YWHAH: variants seen among roughly 807,000 people sequenced by gnomAD.
YWHAH encodes the protein 14-3-3 protein eta.
In YWHAH, 6 loss-of-function variants were observed where a neutral mutation model predicts 22.9. The observed-to-expected ratio is 0.26, with a 90% CI of 0.14 to 0.52. YWHAH has a LOEUF of 0.52. YWHAH is among the 20% of genes least tolerant of loss of function. The pLI is 0.97. For missense variants in YWHAH, 173 were observed against 308.6 expected (o/e 0.56, Z 3.29); for synonymous variants, 135 against 124.5 (o/e 1.08, Z -0.56).
At chr22:31,945,230 C>G in intron 1 of YWHAH, 1 of 1,131,780 alleles carries the variant, frequency 8.8e-7, no homozygotes, top group Non-Finnish European at 1.1e-6. Context: ...AATAAAGAAT[C>G]ACCTAGTAAG....
chr22:31,956,890 C>A lies in YWHAH; in HGVS notation c.*98C>A. 1 of 1,391,270 alleles carries A rather than the reference C, an allele frequency of 7.2e-7. No homozygotes were observed. Among genetic ancestry groups the A allele is most frequent in the Non-Finnish European group, 9.5e-7 (1 of 1,049,394 alleles). The allele number at this position is 1,391,270 out of a possible 1,614,324, so 86.2% of individuals were successfully genotyped here. On this transcript the variant is annotated 3_prime_UTR_variant, in exon 2 of 2. Coordinates refer to ENST00000248975, the MANE Select transcript of YWHAH (RefSeq NM_003405.4). This position sits in a 1 kb window ranked among gnomAD's most constrained non-coding sequence, Gnocchi z 5.1. ...ACTAAATATCTAGTGCTAAACCTAT[C>A]TGTATTGGCAGCACAGCTACTCAGA...
At position 31,946,424 on chromosome 22, in the gene YWHAH, C is replaced by T. The variant is rs141972153; in HGVS notation, c.87+1604C>T. Among the ~76,000 whole-genome samples, 599 of 152,312 alleles carry T rather than the reference C, an allele frequency of 3.9e-3. 3 individuals are homozygous for T. The highest frequency in any genetic ancestry group is 0.013 in the African/African-American group (534 of 41,568). On this transcript the variant is annotated intron_variant, in intron 1 of 1. Coordinates refer to ENST00000248975, the MANE Select transcript of YWHAH (RefSeq NM_003405.4). ...CTGCCTCTGTCCACAGCAGGTCACA[C>T]TTAAGCCCCTCCTCCCCAGTAACTG...
intron 1 of YWHAH, among the ~76,000 whole-genome samples, chr22:31,955,379 C>G (rs552188526): frequency 1.3e-4 from 19 of 151,814 alleles, no homozygotes; most frequent in Admixed American, 1.1e-3. Flanking sequence ...TGGAACACTT[C>G]CAGTCTGTTG....
chr22:31,944,783 C>T lies in YWHAH; in HGVS notation c.50C>T (p.Ala17Val). ...CAGCGGGCGCGGCTGGCCGAGCAGGCGGAGCGCTACGACGACATGGCCTCC... is the reference window on the plus strand; with the variant it reads ...CAGCGGGCGCGGCTGGCCGAGCAGGTGGAGCGCTACGACGACATGGCCTCC... ...LLQRARLAEQ[A>V]ERYDDMASAM... The change falls in exon 1 of 2, where the codon GCG (alanine) becomes GTG (valine). Residue 17 changes from alanine (A) to valine (V), a missense_variant. By Grantham distance (64) the Ala-to-Val change is moderately conservative (BLOSUM62 0). Transcript: ENST00000248975. 7.0e-7 allele frequency: 1 copy of T among 1,419,758 alleles called. No homozygotes were observed. Among genetic ancestry groups the T allele is most frequent in the Non-Finnish European group, 9.3e-7 (1 of 1,080,916 alleles). The allele number at this position is 1,419,758 out of a possible 1,614,324, so 87.9% of individuals were successfully genotyped here.
rs576665997 is a variant in YWHAH, at chr22:31,951,231, A to C, written c.88-4908A>C. Among the ~76,000 whole-genome samples, 37 of 151,874 alleles carry C rather than the reference A, an allele frequency of 2.4e-4. No individual in the cohort carries two copies. The East Asian group carries it at 6.2e-3, about 25-fold the overall frequency. On this transcript the variant is annotated intron_variant, in intron 1 of 1. Transcript: ENST00000248975. ...AAACTGACTTTTCTCACACAGACACACACACATACACGTACACACACACTT... is the reference window on the plus strand; with the variant it reads ...AAACTGACTTTTCTCACACAGACACCCACACATACACGTACACACACACTT...
chr22:31,949,136 CTTTTTTTTTTT>C (rs760273556), intron 1 of YWHAH, among the ~76,000 whole-genome samples: 22 of 99,082 alleles, frequency 2.2e-4, no homozygotes, highest in Non-Finnish European at 3.5e-4. Context: ...ACATATTTTA[CTTTTTTTTTTT>C]TTTTTTTTTT....
intron 1 of YWHAH, among the ~76,000 whole-genome samples, chr22:31,955,386 G>A (rs565534236): frequency 6.6e-6 from 1 of 151,038 alleles, no homozygotes; most frequent in South Asian, 2.1e-4. Flanking sequence ...CTTCCAGTCT[G>A]TTGTCTTTGA....
chr22:31,955,214 G>A (rs1603054938), intron 1 of YWHAH, among the ~76,000 whole-genome samples: 2 of 152,258 alleles, frequency 1.3e-5, no homozygotes, highest in African/African-American at 4.8e-5. Flanking sequence ...AGGGCTGGGA[G>A]TATCAGTTAG....
Position 31,956,240 on chromosome 22 carries a change from T to C in YWHAH, c.189T>C (p.Ile63=), listed in dbSNP as rs1343066265. Residue 63 remains isoleucine, a synonymous_variant, in exon 2 of 2, where the codon ATT becomes ATC. Coordinates refer to ENST00000248975, the MANE Select transcript of YWHAH (RefSeq NM_003405.4). The surrounding 1 kb of genome is among the most constrained non-coding windows in gnomAD (Gnocchi z 5.1). ...VGARRSSWRV[I]SSIEQKTMAD... ...CCAGGCGATCTTCCTGGAGGGTCAT[T>C]AGCAGCATTGAGCAGAAAACCATGG... 6.2e-7 allele frequency: 1 copy of C among 1,614,106 alleles called. No homozygotes were observed. Among genetic ancestry groups the C allele is most frequent in the South Asian group, 1.1e-5 (1 of 91,070 alleles).
chr22:31,951,934 G>A (rs1159073823), intron 1 of YWHAH, among the ~76,000 whole-genome samples: 2 of 152,138 alleles, frequency 1.3e-5, no homozygotes, highest in East Asian at 3.9e-4. Context: ...ACAGAGGGTG[G>A]GAAGGCAGGC....
intron 1 of YWHAH, among the ~76,000 whole-genome samples, chr22:31,945,910 A>T (rs1049076637): frequency 1.3e-5 from 2 of 152,218 alleles, no homozygotes; most frequent in Admixed American, 1.3e-4. Context: ...GCCCATGATT[A>T]TAGTAAATGT....
rs1424314754 is a variant in YWHAH, at chr22:31,950,324, C to T, written c.87+5504C>T. 7 of 779,130 alleles carry T rather than the reference C, an allele frequency of 9.0e-6. No homozygotes were observed. In the East Asian group the frequency reaches 1.5e-4, roughly 16 times the overall value. 48.3% of individuals were successfully genotyped at this position (779,130 alleles called of 1,614,324 possible). On this transcript the variant is annotated intron_variant, in intron 1 of 1. Coordinates refer to ENST00000248975, the MANE Select transcript of YWHAH (RefSeq NM_003405.4). ...TGTCTCTAGGTTGCTGGTAAAATTC[C>T]TCCTAGTGTCCAAGTGGAGGCAGCT...
intron 1 of YWHAH, chr22:31,947,313 T>A (rs1336308365): frequency 2.4e-6 from 1 of 417,640 alleles, no homozygotes; most frequent in African/African-American, 2.1e-5. Flanking sequence ...TGGCTTTAGG[T>A]CCTCTGAAGT....
chr22:31,949,629 C>T (rs2093840236), intron 1 of YWHAH, among the ~76,000 whole-genome samples: 1 of 152,100 alleles, frequency 6.6e-6, no homozygotes, highest in Non-Finnish European at 1.5e-5. Flanking sequence ...TCCCAAGTAG[C>T]TGGGACTACA....
intron 1 of YWHAH, among the ~76,000 whole-genome samples, chr22:31,948,331 C>G (rs992361465): frequency 1.1e-4 from 16 of 151,710 alleles, no homozygotes; most frequent in African/African-American, 4.8e-5. Context: ...AGCTGACTGC[C>G]CCAGGTGAGA....
intron 1 of YWHAH, among the ~76,000 whole-genome samples, chr22:31,953,781 T>G (rs2093846289): frequency 6.6e-6 from 1 of 152,148 alleles, no homozygotes; most frequent in Non-Finnish European, 1.5e-5. Context: ...ATGGTCAGGA[T>G]AGCTGTTAGC....
chr22:31,950,412 C>T (rs765157664), intron 1 of YWHAH: 2 of 779,452 alleles, frequency 2.6e-6, no homozygotes, highest in South Asian at 1.3e-5. Flanking sequence ...GTGGCATTCC[C>T]TTCTGCGGTG....
At chr22:31,945,389 A>G in intron 1 of YWHAH, 1 of 1,297,224 alleles carries the variant, frequency 7.7e-7, no homozygotes. Flanking sequence ...CCTGCAGTCT[A>G]GGCGTGGACG....
At chr22:31,948,227 G>A (rs1380713438) in intron 1 of YWHAH, among the ~76,000 whole-genome samples, 3 of 152,180 alleles carry the variant, frequency 2.0e-5, no homozygotes, top group Non-Finnish European at 4.4e-5. Flanking sequence ...GAGAGGAGGG[G>A]CATTTGGCCC....
Sources: gnomAD v4.1 joint callset for allele counts (sites outside exome capture counted in the v4.1 genomes callset) on GRCh38, gnomAD v4.1.1 for gene constraint, Gnocchi (gnomAD v3.1) non-coding constraint, MANE v1.5 for transcripts, NCBI Gene and HGNC (gene_info 2026-07-23, HGNC 2026-07-21) for gene names.